ADCY2: variants seen among roughly 807,000 people sequenced by gnomAD.
The protein encoded by ADCY2 is adenylate cyclase type 2.
A neutral mutation model predicts 125.2 loss-of-function variants in ADCY2; 31 were observed. The observed-to-expected ratio is 0.25, with a 90% CI of 0.19 to 0.33. The LOEUF (loss-of-function observed/expected upper bound fraction) is 0.33, where lower values mean the gene tolerates loss of function less well. Ranked by LOEUF, ADCY2 falls within the 10% of genes least tolerant of loss-of-function variation. The pLI is 1.00. For synonymous variants in ADCY2, 512 were observed against 548.4 expected (o/e 0.93, Z 0.93); for missense variants, 904 against 1,418.2 (o/e 0.64, Z 5.82).
chr5:7,717,986 C>T (rs1314135212), intron 12 of ADCY2, among the ~76,000 whole-genome samples: 1 of 152,098 alleles, frequency 6.6e-6, no homozygotes, highest in Non-Finnish European at 1.5e-5. Flanking sequence ...AAAGCCTTCA[C>T]AGAAAAGCTT....
chr5:7,552,025 A>G (rs1393094652), intron 3 of ADCY2, among the ~76,000 whole-genome samples: 1 of 152,212 alleles, frequency 6.6e-6, no homozygotes, highest in Non-Finnish European at 1.5e-5. Flanking sequence ...ATCAGTACAG[A>G]GTTGTGCCAT....
Position 7,520,782 on chromosome 5 carries a change from G to T in ADCY2, c.453G>T (p.Leu151=), listed in dbSNP as rs1744414689. ...TCATCTTCGTGGTGTACACCATGCT[G>T]CCCTTCAACATGCGAGACGCCATCA... ...LFIIFVVYTM[L]PFNMRDAIIA... is the part of the protein sequence containing the mutation. Residue 151 remains leucine, a synonymous_variant, in exon 3 of 25, where the codon CTG becomes CTT. Coordinates refer to ENST00000338316, the MANE Select transcript of ADCY2 (RefSeq NM_020546.3). The T allele has an allele frequency of 2.5e-6, 4 of 1,614,118 alleles. No individual in the cohort carries two copies. Among genetic ancestry groups the T allele is most frequent in the South Asian group, 1.1e-5 (1 of 91,072 alleles).
intron 20 of ADCY2, among the ~76,000 whole-genome samples, chr5:7,790,201 T>A (rs962797664): frequency 1.5e-5 from 2 of 136,472 alleles, no homozygotes; most frequent in East Asian, 2.1e-4. Flanking sequence ...AGAGGCAACG[T>A]TAAACCATGC....
chr5:7,672,605 T>C (rs1579300716), intron 4 of ADCY2, among the ~76,000 whole-genome samples: 1 of 152,154 alleles, frequency 6.6e-6, no homozygotes, highest in African/African-American at 2.4e-5. Context: ...GCTTAAAGGA[T>C]CCTCCTGCCT....
At chr5:7,494,682 T>G (rs1267773597) in intron 2 of ADCY2, among the ~76,000 whole-genome samples, 1 of 152,118 alleles carries the variant, frequency 6.6e-6, no homozygotes, top group African/African-American at 2.4e-5. Flanking sequence ...AGGCAGAGAC[T>G]CTCAGCTCCA....
chr5:7,515,803 A>C (rs192570509), intron 2 of ADCY2, among the ~76,000 whole-genome samples: 1 of 152,330 alleles, frequency 6.6e-6, no homozygotes, highest in East Asian at 1.9e-4. Context: ...GCTATGAGTG[A>C]ATCAAGTTCC....
At position 7,520,916 on chromosome 5, in the gene ADCY2, A is replaced by G; in HGVS notation, c.570+17A>G. 6.2e-7 allele frequency: 1 copy of G among 1,613,282 alleles called. No homozygotes were observed. Among genetic ancestry groups the G allele is most frequent in the Non-Finnish European group, 8.5e-7 (1 of 1,179,844 alleles). On this transcript the variant is annotated intron_variant, in intron 3 of 24. Transcript: ENST00000338316. ...GTCTGGCAGGTGGGTGCACCTCCAC[A>G]TCCATGGAGAATGACTTTCCACATC...
Position 7,828,354 on chromosome 5 carries a change from C to T in ADCY2, c.*1483C>T, listed in dbSNP as rs1382845930. 1 of 152,418 alleles carries T rather than the reference C, an allele frequency of 6.6e-6. No individual in the cohort carries two copies. Among genetic ancestry groups the T allele is most frequent in the Non-Finnish European group, 1.5e-5 (1 of 68,048 alleles). 9.4% of individuals were successfully genotyped at this position (152,418 alleles called of 1,614,324 possible). ...AATCCTGGCTCTGATTTTTTACTGG[C>T]TGTGTGACTTTGAACACATCTCTTA... is the stretch of plus-strand genomic sequence containing the variant. On this transcript the variant is annotated 3_prime_UTR_variant, in exon 25 of 25. Coordinates refer to ENST00000338316, the MANE Select transcript of ADCY2 (RefSeq NM_020546.3).
intron 3 of ADCY2, among the ~76,000 whole-genome samples, chr5:7,589,511 A>AAAGAAAG (rs757777978): frequency 0.019 from 2,139 of 109,796 alleles, 38 homozygotes; most frequent in Non-Finnish European, 0.025. Context: ...AGAAAGAAAG[A>AAAGAAAG]AAAGAAAAGA....
At chr5:7,729,861 A>T (rs1001691249) in intron 14 of ADCY2, among the ~76,000 whole-genome samples, 4 of 149,256 alleles carry the variant, frequency 2.7e-5, no homozygotes, top group African/African-American at 9.8e-5. Context: ...AATATGTATT[A>T]TATATTTACA....
chr5:7,817,212 G>A (rs1020263645), intron 23 of ADCY2, among the ~76,000 whole-genome samples: 4 of 151,982 alleles, frequency 2.6e-5, no homozygotes, highest in African/African-American at 7.2e-5. Context: ...CTACAAACAC[G>A]GCACGCACAG....
At chr5:7,511,367 A>T (rs893211696) in intron 2 of ADCY2, among the ~76,000 whole-genome samples, 1 of 152,110 alleles carries the variant, frequency 6.6e-6, no homozygotes, top group African/African-American at 2.4e-5. Flanking sequence ...CGAGGTCAGG[A>T]GATCGAGACC....
At chr5:7,743,846 G>A in intron 15 of ADCY2, 94 bp downstream of exon 15, 2 of 1,184,248 alleles carry the variant, frequency 1.7e-6, no homozygotes, top group Non-Finnish European at 2.5e-6. Context: ...GGAGCTTATT[G>A]CTTTACCACT....
chr5:7,428,135 G>A (rs1347754412), intron 2 of ADCY2, among the ~76,000 whole-genome samples: 1 of 152,176 alleles, frequency 6.6e-6, no homozygotes, highest in Admixed American at 6.5e-5. Context: ...CAGCTTTTCA[G>A]GTTTTAGGTT....
chr5:7,753,256 C>T (rs1742883541), intron 15 of ADCY2, among the ~76,000 whole-genome samples: 1 of 152,054 alleles, frequency 6.6e-6, no homozygotes, highest in Non-Finnish European at 1.5e-5. Context: ...GTATCAATCC[C>T]TTGTTTGTTA....
chr5:7,419,493 G>A (rs757403109), intron 2 of ADCY2, among the ~76,000 whole-genome samples: 23 of 152,148 alleles, frequency 1.5e-4, no homozygotes, highest in Admixed American at 3.3e-4. Context: ...GATGTTCAGA[G>A]TTCTCCACTG....
intron 3 of ADCY2, among the ~76,000 whole-genome samples, chr5:7,558,722 A>T (rs1735614492): frequency 1.3e-5 from 2 of 152,096 alleles, no homozygotes; most frequent in Non-Finnish European, 2.9e-5. Flanking sequence ...TTCTGTTGTG[A>T]TTGCTTTTGG....
At chr5:7,665,995 T>G (rs534819815) in intron 4 of ADCY2, among the ~76,000 whole-genome samples, 1 of 143,706 alleles carries the variant, frequency 7.0e-6, no homozygotes, top group African/African-American at 2.6e-5. Context: ...CCCGCCACTA[T>G]GCCCGGCTAA....
intron 2 of ADCY2, among the ~76,000 whole-genome samples, chr5:7,439,953 T>G (rs1204261527): frequency 2.6e-5 from 4 of 152,118 alleles, no homozygotes; most frequent in Non-Finnish European, 5.9e-5. Context: ...AGAGAAAGGT[T>G]GTTTTAAAAG....
Sources: allele counts gnomAD v4.1 joint callset (sites outside exome capture counted in the v4.1 genomes callset), GRCh38; gene constraint gnomAD v4.1.1; transcripts MANE v1.5; gene names NCBI Gene and HGNC (gene_info 2026-07-23, HGNC 2026-07-21).